KCNIP4: variants seen among roughly 807,000 people sequenced by gnomAD.
The protein encoded by KCNIP4 is potassium voltage-gated channel interacting protein 4, also known as Kv channel-interacting protein 4.
Under a neutral mutation model 34.0 loss-of-function variants are expected in KCNIP4, and 12 were observed. That is an observed-to-expected ratio of 0.35 (90% CI 0.23 to 0.57). KCNIP4 has a LOEUF of 0.57. KCNIP4 is among the 20% of genes least tolerant of loss of function. KCNIP4 has a pLI of 0.83. For synonymous variants in KCNIP4, 124 were observed against 102.2 expected (o/e 1.21, Z -1.29); for missense variants, 238 against 311.7 (o/e 0.76, Z 1.78).
At chr4:21,432,436 T>G (rs569080241) in intron 1 of KCNIP4, among the ~76,000 whole-genome samples, 2 of 152,110 alleles carry the variant, frequency 1.3e-5, no homozygotes, top group South Asian at 4.1e-4. Flanking sequence ...ATTCTACTTA[T>G]ATTGATTTTG....
intron 1 of KCNIP4, among the ~76,000 whole-genome samples, chr4:21,365,850 T>C (rs764119606): frequency 6.6e-6 from 1 of 152,244 alleles, no homozygotes. Context: ...CATATCTGTC[T>C]ACCAAACTCA....
intron 1 of KCNIP4, among the ~76,000 whole-genome samples, chr4:21,233,148 A>T (rs111464730): frequency 6.6e-6 from 1 of 152,148 alleles, no homozygotes; most frequent in Non-Finnish European, 1.5e-5. Flanking sequence ...AAATGCAAAG[A>T]ACAGAGAAAT....
intron 1 of KCNIP4, among the ~76,000 whole-genome samples, chr4:21,647,070 A>C (rs1747074858): frequency 6.6e-6 from 1 of 152,116 alleles, no homozygotes; most frequent in South Asian, 2.1e-4. Flanking sequence ...CAGAATCCTA[A>C]AGTATTCTAA....
intron 1 of KCNIP4, among the ~76,000 whole-genome samples, chr4:21,579,197 A>G (rs1289294330): frequency 6.6e-6 from 1 of 152,194 alleles, no homozygotes; most frequent in Admixed American, 6.5e-5. Context: ...AGGTCACATC[A>G]GCACTAAGCC....
At chr4:21,934,498 G>A (rs1729740912) in intron 1 of KCNIP4, among the ~76,000 whole-genome samples, 1 of 151,984 alleles carries the variant, frequency 6.6e-6, no homozygotes, top group African/African-American at 2.4e-5. Flanking sequence ...GATTTGAAGG[G>A]GAGAAAATAT....
rs183504707 is a variant in KCNIP4 at position 21,351,370 on chromosome 4, T to C, written c.62-468661A>G. On this transcript the variant is annotated intron_variant, in intron 1 of 8. Transcript: ENST00000382152. ...TAGTAACTCTCATGAGATCAGATGG[T>C]TTTATAAAGAGCAGTTTCCCTACAC... Among the ~76,000 whole-genome samples the C allele has an allele frequency of 5.9e-3, 898 of 151,994 alleles. 10 individuals carry two copies. The highest frequency in any genetic ancestry group is 0.01 in the Middle Eastern group (3 of 290).
chr4:21,604,135 A>G (rs1743442632), intron 1 of KCNIP4, among the ~76,000 whole-genome samples: 1 of 152,300 alleles, frequency 6.6e-6, no homozygotes, highest in African/African-American at 2.4e-5. Flanking sequence ...AGTAAAATAT[A>G]TTAATTTTTG....
At position 20,980,073 on chromosome 4, in the gene KCNIP4, T is replaced by C. The variant is rs991517317; in HGVS notation, c.62-97364A>G. Reference sequence around the variant, plus strand: ...CTGTACGACTAGTTTTTCTTCTCCATTAAACCTTCTCTGGAGTCCTTTCCA... The same window carrying C: ...CTGTACGACTAGTTTTTCTTCTCCACTAAACCTTCTCTGGAGTCCTTTCCA... On this transcript the variant is annotated intron_variant, in intron 1 of 8. Transcript: ENST00000382152. 2.6e-5 allele frequency among the ~76,000 whole-genome samples: 4 copies of C among 152,340 alleles called. No individual in the cohort carries two copies. In the South Asian group the frequency reaches 8.3e-4, roughly 32 times the overall value.
chr4:21,399,030 G>A (rs977186821), intron 1 of KCNIP4, among the ~76,000 whole-genome samples: 2 of 152,220 alleles, frequency 1.3e-5, no homozygotes, highest in African/African-American at 4.8e-5. Flanking sequence ...GGAACACATA[G>A]TGTGGCAAAA....
intron 1 of KCNIP4, among the ~76,000 whole-genome samples, chr4:21,184,411 C>A (rs1403112081): frequency 6.6e-6 from 1 of 152,082 alleles, no homozygotes; most frequent in Non-Finnish European, 1.5e-5. Flanking sequence ...TCAATCAATA[C>A]TTGAATAAAT....
intron 1 of KCNIP4, among the ~76,000 whole-genome samples, chr4:21,691,312 G>T (rs1432482361): frequency 1.3e-5 from 2 of 152,048 alleles, no homozygotes; most frequent in African/African-American, 2.4e-5. Flanking sequence ...CTGTGGGTAG[G>T]CTATATTCCT....
chr4:20,965,086 T>A (rs550897386), intron 1 of KCNIP4, among the ~76,000 whole-genome samples: 1 of 152,322 alleles, frequency 6.6e-6, no homozygotes, highest in Non-Finnish European at 1.5e-5. Flanking sequence ...ACCTTCTGTT[T>A]GGGATTTGCC....
chr4:21,018,380 C>T (rs1739740419), intron 1 of KCNIP4, among the ~76,000 whole-genome samples: 1 of 152,122 alleles, frequency 6.6e-6, no homozygotes, highest in African/African-American at 2.4e-5. Flanking sequence ...GTGAGATGTC[C>T]ATGAGATTGC....
intron 1 of KCNIP4, among the ~76,000 whole-genome samples, chr4:21,703,557 G>T (rs1158095945): frequency 6.6e-6 from 1 of 151,980 alleles, no homozygotes. Flanking sequence ...TAGGATACTA[G>T]CTAAGTATTC....
At chr4:21,126,640 A>G (rs1052914979) in intron 1 of KCNIP4, among the ~76,000 whole-genome samples, 65 of 151,434 alleles carry the variant, frequency 4.3e-4, no homozygotes, top group Non-Finnish European at 4.6e-4. Flanking sequence ...AAAGAAAAGA[A>G]AAAAGGTTTT....
At chr4:21,292,900 A>G (rs1342530217) in intron 1 of KCNIP4, among the ~76,000 whole-genome samples, 4 of 152,152 alleles carry the variant, frequency 2.6e-5, no homozygotes, top group Admixed American at 1.3e-4. Context: ...CCCAGCACCT[A>G]GAAGAGTACC....
intron 1 of KCNIP4, among the ~76,000 whole-genome samples, chr4:21,630,696 C>G (rs1416730324): frequency 6.6e-6 from 1 of 152,276 alleles, no homozygotes; most frequent in East Asian, 1.9e-4. Context: ...AACAAACACA[C>G]TAACAGATAT....
intron 1 of KCNIP4, among the ~76,000 whole-genome samples, chr4:21,925,439 T>A (rs1729186063): frequency 6.6e-6 from 1 of 152,182 alleles, no homozygotes; most frequent in Non-Finnish European, 1.5e-5. Flanking sequence ...CTGCATAGTA[T>A]TCCATGGTGT....
chr4:21,878,202 A>G (rs1371211152), intron 1 of KCNIP4, among the ~76,000 whole-genome samples: 1 of 152,076 alleles, frequency 6.6e-6, no homozygotes, highest in African/African-American at 2.4e-5. Context: ...CAGCCACCCA[A>G]GTAGCTGGGA....
Sources: gnomAD v4.1 joint callset for allele counts (sites outside exome capture counted in the v4.1 genomes callset) on GRCh38, gnomAD v4.1.1 for gene constraint, MANE v1.5 for transcripts, NCBI Gene and HGNC (gene_info 2026-07-23, HGNC 2026-07-21) for gene names.